Variants in ATXN8OS observed in about 807,000 individuals in gnomAD.
ATXN8OS encodes the protein ATXN8 opposite strand (non-protein coding).
At chr13:70,147,786 C>G (rs1888807371) in intron 4 of ATXN8OS, among the ~76,000 whole-genome samples, 1 of 152,094 alleles carries the variant, frequency 6.6e-6, no homozygotes, top group South Asian at 2.1e-4. Flanking sequence ...GTCCTGAGAA[C>G]ATGTGCCCAA....
At chr13:70,115,950 C>A (rs1888272638) in intron 2 of ATXN8OS, among the ~76,000 whole-genome samples, 1 of 151,956 alleles carries the variant, frequency 6.6e-6, no homozygotes, top group South Asian at 2.1e-4. Context: ...ACAGGAAATG[C>A]AATGTGCAAG....
chr13:70,131,253 C>T (rs1888529528), intron 3 of ATXN8OS: 1 of 398,272 alleles, frequency 2.5e-6, no homozygotes, highest in African/African-American at 2.1e-5. Flanking sequence ...ATTTACTTCT[C>T]TTCATTTCCA....
At chr13:70,134,909 G>A (rs1251341508) in intron 3 of ATXN8OS, among the ~76,000 whole-genome samples, 3 of 152,140 alleles carry the variant, frequency 2.0e-5, no homozygotes, top group East Asian at 1.9e-4. Context: ...AGTCTGAAAC[G>A]GGAAAAGATA....
intron 4 of ATXN8OS, among the ~76,000 whole-genome samples, chr13:70,151,107 C>A (rs1888859612): frequency 6.6e-6 from 1 of 152,036 alleles, no homozygotes; most frequent in Non-Finnish European, 1.5e-5. Flanking sequence ...CATTTCCAAA[C>A]ACTTGCTTGG....
rs146960499 is a variant in ATXN8OS, at chr13:70,147,891, C to T, written n.573+463C>T. ...ATTTTATGGAGACAGAAATTACAGG[C>T]AAAACATAATACATGTAAAGCATAT... On this transcript the variant is annotated intron_variant and non_coding_transcript_variant, in intron 4 of 4. Coordinates refer to ENST00000678624, the Ensembl canonical transcript of ATXN8OS. 9.2e-4 allele frequency among the ~76,000 whole-genome samples: 140 copies of T among 152,190 alleles called. 1 individual carries two copies. The highest frequency in any genetic ancestry group is 6.8e-3 in the Middle Eastern group (2 of 294).
At chr13:70,131,846 G>A (rs899874862) in intron 3 of ATXN8OS, among the ~76,000 whole-genome samples, 2 of 151,934 alleles carry the variant, frequency 1.3e-5, no homozygotes, top group African/African-American at 2.4e-5. Flanking sequence ...TTCACTATGC[G>A]ACACCTAACT....
chr13:70,116,399 A>AC (rs1489193905), intron 2 of ATXN8OS, among the ~76,000 whole-genome samples: 5 of 152,134 alleles, frequency 3.3e-5, no homozygotes, highest in Non-Finnish European at 4.4e-5. Flanking sequence ...GTCCAAAAAT[A>AC]AGTGAAAGCA....
intron 3 of ATXN8OS, among the ~76,000 whole-genome samples, chr13:70,139,824 A>C (rs1181758880): frequency 1.3e-5 from 2 of 152,092 alleles, no homozygotes; most frequent in Admixed American, 1.3e-4. Context: ...CTTCACTGAC[A>C]TTTCTATACA....
chr13:70,164,501 G>C (rs772224669), intron 4 of ATXN8OS, among the ~76,000 whole-genome samples: 3 of 151,904 alleles, frequency 2.0e-5, no homozygotes, highest in Non-Finnish European at 4.4e-5. Flanking sequence ...TTTCATCTTT[G>C]TACAAAAATA....
chr13:70,109,891 T>A (rs1039091091), intron 1 of ATXN8OS, among the ~76,000 whole-genome samples: 1 of 152,222 alleles, frequency 6.6e-6, no homozygotes, highest in Non-Finnish European at 1.5e-5. Flanking sequence ...TTAATTTATA[T>A]AGAAATTAGT....
At chr13:70,121,247 G>T (rs1282904965) in intron 2 of ATXN8OS, among the ~76,000 whole-genome samples, 4 of 152,032 alleles carry the variant, frequency 2.6e-5, no homozygotes, top group Non-Finnish European at 5.9e-5. Context: ...ATTAGACAGG[G>T]AATGACTACT....
intron 4 of ATXN8OS, among the ~76,000 whole-genome samples, chr13:70,168,838 G>A (rs193241532): frequency 6.6e-6 from 1 of 152,218 alleles, no homozygotes; most frequent in East Asian, 1.9e-4. Context: ...CATGTTTTGT[G>A]AATGTGCAGT....
intron 2 of ATXN8OS, among the ~76,000 whole-genome samples, chr13:70,125,394 A>C (rs1426093237): frequency 6.6e-6 from 1 of 152,196 alleles, no homozygotes; most frequent in Non-Finnish European, 1.5e-5. Flanking sequence ...CATCCAATGA[A>C]TAAGAGATCT....
At chr13:70,112,920 A>ATATATAT (rs1555298511) in intron 1 of ATXN8OS, among the ~76,000 whole-genome samples, 1,087 of 87,514 alleles carry the variant, frequency 0.012, 13 homozygotes, top group South Asian at 0.019. Flanking sequence ...TATATATATA[A>ATATATAT]TTTTTTTTTT....
intron 4 of ATXN8OS, among the ~76,000 whole-genome samples, chr13:70,160,318 T>C (rs1009408124): frequency 3.3e-5 from 5 of 152,114 alleles, no homozygotes; most frequent in Non-Finnish European, 7.4e-5. Flanking sequence ...AATTTTGGTT[T>C]ATCATTATAA....
intron 4 of ATXN8OS, among the ~76,000 whole-genome samples, chr13:70,154,079 T>A (rs1888907249): frequency 6.6e-6 from 1 of 152,174 alleles, no homozygotes. Context: ...TCATGTGACA[T>A]CCTAGGCATT....
intron 3 of ATXN8OS, among the ~76,000 whole-genome samples, chr13:70,146,529 G>A (rs1593771907): frequency 1.3e-5 from 2 of 152,188 alleles, no homozygotes. Flanking sequence ...GTCCAACAAC[G>A]ATAGACTGGA....
intron 4 of ATXN8OS, among the ~76,000 whole-genome samples, chr13:70,158,452 G>A (rs775411848): frequency 1.3e-4 from 20 of 152,106 alleles, no homozygotes; most frequent in Non-Finnish European, 2.9e-4. Context: ...AACAAGAGCA[G>A]AAATATGTAA....
At chr13:70,138,767 T>G (rs1156887680) in intron 3 of ATXN8OS, among the ~76,000 whole-genome samples, 1 of 152,154 alleles carries the variant, frequency 6.6e-6, no homozygotes, top group Non-Finnish European at 1.5e-5. Flanking sequence ...TATTAGTAAT[T>G]AGAGGTAACA....
Sources: gnomAD v4.1 joint callset for allele counts (sites outside exome capture counted in the v4.1 genomes callset) on GRCh38, gnomAD v4.1.1 for gene constraint, MANE v1.5 for transcripts, NCBI Gene and HGNC (gene_info 2026-07-23, HGNC 2026-07-21) for gene names.